SNTG1: variants seen among roughly 807,000 people sequenced by gnomAD.
The protein encoded by SNTG1 is gamma-1-syntrophin.
A neutral mutation model predicts 74.7 loss-of-function variants in SNTG1; 39 were observed. The observed-to-expected ratio is 0.52, with a 90% confidence interval of 0.40 to 0.68. The LOEUF (loss-of-function observed/expected upper bound fraction) is 0.68, where lower values mean the gene tolerates loss of function less well. Among genes scored for constraint, SNTG1 ranks in the 30% least tolerant of loss-of-function variants. The pLI is 0.00. For missense variants in SNTG1, 685 were observed against 609.5 expected, an observed-to-expected ratio of 1.12 and a Z score of -1.30; for synonymous variants, 254 against 217.1, an observed-to-expected ratio of 1.17 and a Z score of -1.49.
At chr8:50,544,394 A>G (rs777979504) in intron 11 of SNTG1, among the ~76,000 whole-genome samples, 6 of 152,044 alleles carry the variant, frequency 3.9e-5, no homozygotes, top group African/African-American at 7.2e-5. Context: ...CTATTCAAAC[A>G]TATTCTATTT....
intron 17 of SNTG1, among the ~76,000 whole-genome samples, chr8:50,740,024 A>G (rs1274384940): frequency 6.6e-6 from 1 of 152,118 alleles, no homozygotes; most frequent in African/African-American, 2.4e-5. Context: ...AAACTCTGGA[A>G]TACAGCCTAG....
chr8:50,673,628 A>C (rs1393553046), intron 15 of SNTG1, among the ~76,000 whole-genome samples: 2 of 152,122 alleles, frequency 1.3e-5, no homozygotes, highest in Non-Finnish European at 2.9e-5. Context: ...GCAAAAAGAG[A>C]CAATTTGACT....
At chr8:50,549,637 C>G (rs981616461) in intron 11 of SNTG1, among the ~76,000 whole-genome samples, 8 of 152,152 alleles carry the variant, frequency 5.3e-5, no homozygotes, top group African/African-American at 1.9e-4. Flanking sequence ...TGAGTTATCA[C>G]TGATTACACC....
At chr8:50,581,060 T>C (rs2094607008) in intron 12 of SNTG1, among the ~76,000 whole-genome samples, 1 of 152,250 alleles carries the variant, frequency 6.6e-6, no homozygotes, top group African/African-American at 2.4e-5. Context: ...ATTTCAAATT[T>C]ACATTTTTAA....
intron 9 of SNTG1, among the ~76,000 whole-genome samples, chr8:50,526,979 A>G (rs2094225833): frequency 6.6e-6 from 1 of 152,126 alleles, no homozygotes; most frequent in East Asian, 1.9e-4. Context: ...GTATGCAAGC[A>G]CTGGTTGCCC....
rs77025763 is a variant in SNTG1 at position 50,145,011 on chromosome 8, G to T, written c.-102-27550G>T. Among the ~76,000 whole-genome samples the T allele has an allele frequency of 5.3e-3, 810 of 152,208 alleles. 12 individuals carry two copies. Among genetic ancestry groups the T allele is most frequent in the African/African-American group, 0.019 (769 of 41,520 alleles). On this transcript the variant is annotated intron_variant, in intron 1 of 18. Transcript: ENST00000642720. Reference sequence around the variant, plus strand: ...GGATGACAGAAAACAATGACAAAAGGAGATGAGAAGGAACACCAAATGAGG... The same window carrying T: ...GGATGACAGAAAACAATGACAAAAGTAGATGAGAAGGAACACCAAATGAGG...
intron 4 of SNTG1, among the ~76,000 whole-genome samples, chr8:50,434,756 A>C (rs1401222299): frequency 6.6e-6 from 1 of 152,152 alleles, no homozygotes; most frequent in African/African-American, 2.4e-5. Context: ...CATCCTCATT[A>C]TTCCTTTTCC....
chr8:50,726,152 A>G (rs997100339), intron 17 of SNTG1, among the ~76,000 whole-genome samples: 4 of 152,196 alleles, frequency 2.6e-5, no homozygotes, highest in Non-Finnish European at 4.4e-5. Flanking sequence ...CATGTTATTA[A>G]CCAGGAACTC....
At chr8:50,628,128 A>T (rs988688697) in intron 13 of SNTG1, among the ~76,000 whole-genome samples, 11 of 152,154 alleles carry the variant, frequency 7.2e-5, no homozygotes, top group Non-Finnish European at 1.2e-4. Context: ...TCACTGTATT[A>T]AAAAAGTTCA....
In SNTG1 at chr8:50,471,029, A is replaced by G. The variant is rs371414994; in HGVS notation, c.363+20300A>G. ...ACAGAATGCTGATTGGTGTGTTTTT[A>G]CAGAGTGCTGATTGATGCATTTACA... On this transcript the variant is annotated intron_variant, in intron 8 of 18. Transcript: ENST00000642720. Among the ~76,000 whole-genome samples, 3 of 152,090 alleles carry G rather than the reference A, an allele frequency of 2.0e-5. No individual in the cohort carries two copies. The South Asian group carries it at 6.2e-4, about 32-fold the overall frequency.
intron 2 of SNTG1, among the ~76,000 whole-genome samples, chr8:50,222,020 G>A (rs28654110): frequency 6.6e-6 from 1 of 152,144 alleles, no homozygotes; most frequent in African/African-American, 2.4e-5. Context: ...GCAATCTTAG[G>A]GGTGCAGAAA....
rs533896945 is a variant in SNTG1 at position 50,362,916 on chromosome 8, T to C, written c.-27-31296T>C. Among the ~76,000 whole-genome samples the C allele has an allele frequency of 5.3e-5, 8 of 152,292 alleles. No individual in the cohort carries two copies. The South Asian group carries it at 1.7e-3, about 32-fold the overall frequency. Reference sequence around the variant, plus strand: ...ACTGAAATCTACTGAAGATCTCATCTTCCTTAGTAAACACAGACAACTGAA... The same window carrying C: ...ACTGAAATCTACTGAAGATCTCATCCTCCTTAGTAAACACAGACAACTGAA... On this transcript the variant is annotated intron_variant, in intron 2 of 18. Transcript: ENST00000642720.
chr8:50,660,274 G>A (rs1487058525), intron 15 of SNTG1, among the ~76,000 whole-genome samples: 1 of 147,960 alleles, frequency 6.8e-6, no homozygotes. Context: ...GAGAGAGAGA[G>A]AAAGAAGGAA....
chr8:50,095,324 G>GA, intron 1 of SNTG1, among the ~76,000 whole-genome samples: 1 of 151,988 alleles, frequency 6.6e-6, no homozygotes, highest in Non-Finnish European at 1.5e-5. Context: ...TGAGAAAGAA[G>GA]AAAAAAGAAA....
At chr8:50,107,338 G>GTAGA (rs922404688) in intron 1 of SNTG1, among the ~76,000 whole-genome samples, 5 of 152,202 alleles carry the variant, frequency 3.3e-5, no homozygotes, top group African/African-American at 7.2e-5. Context: ...AGATAGATAT[G>GTAGA]TAGATAGATA....
At chr8:50,737,406 G>A (rs888713675) in intron 17 of SNTG1, among the ~76,000 whole-genome samples, 1 of 152,024 alleles carries the variant, frequency 6.6e-6, no homozygotes, top group Non-Finnish European at 1.5e-5. Context: ...CTGAAATTGA[G>A]GTAGTAATTA....
intron 1 of SNTG1, among the ~76,000 whole-genome samples, chr8:50,029,710 T>C (rs576035332): frequency 6.6e-6 from 1 of 152,320 alleles, no homozygotes; most frequent in Non-Finnish European, 1.5e-5. Flanking sequence ...TATGACTCCA[T>C]TGTGTATATG....
In SNTG1 at chr8:50,792,704, C is replaced by A. The variant is rs752122026; in HGVS notation, c.1429C>A (p.His477Asn). ...ATTTTCTAATTTATTTGCTGTTCTT[C>A]ACTGCATTCATTCCTTCTTTGCTGC... ...LEFSNLFAVL[H>N]CIHSFFAAKV... Residue 477 changes from histidine to asparagine, a missense_variant, in exon 19 of 19, where the codon CAC (histidine) becomes AAC (asparagine). Physicochemically the swap from His to Asn is moderately conservative, Grantham distance 68. Coordinates refer to ENST00000642720, the MANE Select transcript of SNTG1 (RefSeq NM_018967.5). 6 of 1,611,492 alleles carry A rather than the reference C, an allele frequency of 3.7e-6. No homozygotes were observed. The highest frequency in any genetic ancestry group is 1.7e-4 in the Middle Eastern group (1 of 6,042).
intron 2 of SNTG1, among the ~76,000 whole-genome samples, chr8:50,328,741 G>A (rs1054287415): frequency 5.3e-5 from 8 of 152,046 alleles, no homozygotes; most frequent in African/African-American, 1.7e-4. Flanking sequence ...AGAACCAAAC[G>A]ATATCATTCT....
Sources: gnomAD v4.1 joint callset for allele counts (sites outside exome capture counted in the v4.1 genomes callset) on GRCh38, gnomAD v4.1.1 for gene constraint, MANE v1.5 for transcripts, NCBI Gene and HGNC (gene_info 2026-07-23, HGNC 2026-07-21) for gene names.